The following CTNNA3 variants were observed in gnomAD, a reference collection of about 807,000 sequenced individuals.
The protein encoded by CTNNA3 is catenin alpha 3, also known as catenin alpha-3.
CTNNA3 carries 76 observed loss-of-function variants against 95.7 expected under a neutral mutation model. The observed-to-expected ratio is 0.79, with a 90% CI of 0.66 to 0.96. The LOEUF (loss-of-function observed/expected upper bound fraction) is 0.96. CTNNA3 is among the 40% of genes least tolerant of loss of function. The pLI is 0.00. For synonymous variants in CTNNA3, 431 were observed against 374.4 expected (o/e 1.15, Z -1.74); for missense variants, 1,191 against 1,089.8 (o/e 1.09, Z -1.31).
At chr10:66,802,881 T>C (rs907129067) in intron 7 of CTNNA3, among the ~76,000 whole-genome samples, 1 of 151,926 alleles carries the variant, frequency 6.6e-6, no homozygotes, top group African/African-American at 2.4e-5. Context: ...GACTTACACA[T>C]CTAGATAAAT....
chr10:67,720,889 G>C (rs1407303977), intron 1 of CTNNA3, among the ~76,000 whole-genome samples: 1 of 152,108 alleles, frequency 6.6e-6, no homozygotes, highest in Non-Finnish European at 1.5e-5. Flanking sequence ...GGGAGGCGGA[G>C]GTTGCAGTGA....
At chr10:66,241,227 T>C (rs1485630063) in intron 13 of CTNNA3, among the ~76,000 whole-genome samples, 1 of 152,124 alleles carries the variant, frequency 6.6e-6, no homozygotes, top group African/African-American at 2.4e-5. Flanking sequence ...GTAAGGTCAA[T>C]GAAATGTATC....
At chr10:66,624,678 C>G (rs1213418536) in intron 9 of CTNNA3, among the ~76,000 whole-genome samples, 1 of 152,148 alleles carries the variant, frequency 6.6e-6, no homozygotes, top group Non-Finnish European at 1.5e-5. Flanking sequence ...CTTAGCCAAA[C>G]TAACAGTCTG....
intron 7 of CTNNA3, among the ~76,000 whole-genome samples, chr10:67,083,115 C>T (rs1857132167): frequency 6.6e-6 from 1 of 152,096 alleles, no homozygotes; most frequent in Non-Finnish European, 1.5e-5. Flanking sequence ...ACCTTCATTA[C>T]TCAGCCTTTT....
chr10:67,727,085 ATATAAT>A (rs1427952265), intron 1 of CTNNA3, among the ~76,000 whole-genome samples: 1 of 110,560 alleles, frequency 9.0e-6, no homozygotes, highest in African/African-American at 3.5e-5. Flanking sequence ...TACATATATG[ATATAAT>A]TATATATAAT....
chr10:66,111,475 C>A (rs2082117931), intron 13 of CTNNA3, among the ~76,000 whole-genome samples: 1 of 152,132 alleles, frequency 6.6e-6, no homozygotes, highest in Non-Finnish European at 1.5e-5. Flanking sequence ...CTTAGGGGAC[C>A]ATTATCCTAT....
chr10:66,152,072 T>A (rs1339688147), intron 13 of CTNNA3, among the ~76,000 whole-genome samples: 1 of 151,942 alleles, frequency 6.6e-6, no homozygotes, highest in Non-Finnish European at 1.5e-5. Context: ...TATATAACCA[T>A]GACAAATTAT....
chr10:66,095,901 C>A (rs1299687443), intron 14 of CTNNA3, among the ~76,000 whole-genome samples: 1 of 151,956 alleles, frequency 6.6e-6, no homozygotes, highest in African/African-American at 2.4e-5. Flanking sequence ...GGTTGACAAA[C>A]TATATGCTCT....
intron 5 of CTNNA3, among the ~76,000 whole-genome samples, chr10:67,343,993 G>A (rs1842318465): frequency 1.3e-5 from 2 of 148,686 alleles, no homozygotes; most frequent in South Asian, 4.2e-4. Flanking sequence ...TTATTATGTT[G>A]AAGTATGCTC....
At chr10:66,951,516 G>C (rs1027207024) in intron 7 of CTNNA3, among the ~76,000 whole-genome samples, 4 of 152,152 alleles carry the variant, frequency 2.6e-5, no homozygotes, top group Non-Finnish European at 5.9e-5. Flanking sequence ...GATAGGTACT[G>C]TTTACTCATA....
rs927977047 is a variant in CTNNA3 at position 66,775,446 on chromosome 10, G to A, written c.1126C>T (p.Gln376Ter). The A allele has an allele frequency of 6.2e-7, 1 of 1,605,102 alleles. No individual in the cohort carries two copies. Among genetic ancestry groups the A allele is most frequent in the Middle Eastern group, 1.7e-4 (1 of 6,040 alleles). ...TCCATATCTCTCTCTTCCCTCACCT[G>A]TCTGCGAAGGTCTCTTGTCTTCTTA... ...MCKKTRDLRRQLRKAIIDHVS... is the reference protein window; with the variant it reads ...MCKKTRDLRR The change falls in exon 8 of 18, where the codon CAG becomes TAG. Residue 376 changes from glutamine to a stop codon, truncating the protein, a stop_gained and splice_region_variant. Coordinates refer to ENST00000433211, the MANE Select transcript of CTNNA3 (RefSeq NM_013266.4). LOFTEE classifies it high-confidence loss of function.
chr10:67,176,159 T>G (rs1422946710), intron 7 of CTNNA3, among the ~76,000 whole-genome samples: 3 of 152,170 alleles, frequency 2.0e-5, no homozygotes, highest in Admixed American at 2.0e-4. Flanking sequence ...TGGATCCAAA[T>G]GCAGAGATTA....
upstream of CTNNA3, among the ~76,000 whole-genome samples, chr10:67,699,696 G>T (rs557993670): frequency 6.6e-6 from 1 of 152,190 alleles, no homozygotes; most frequent in African/African-American, 2.4e-5. Flanking sequence ...CATGAGCGAC[G>T]CAGAAGACGG....
intron 11 of CTNNA3, among the ~76,000 whole-genome samples, chr10:66,505,975 T>C (rs1840434983): frequency 6.6e-6 from 1 of 152,156 alleles, no homozygotes; most frequent in Non-Finnish European, 1.5e-5. Context: ...TTCTGCAGAC[T>C]GTATAAGAAG....
At chr10:66,755,133 C>A (rs78818283) in intron 9 of CTNNA3, among the ~76,000 whole-genome samples, 3,655 of 152,040 alleles carry the variant, frequency 0.024, 133 homozygotes, top group African/African-American at 0.083. Flanking sequence ...GGGCATAAGC[C>A]GGAATGAAGT....
intron 13 of CTNNA3, among the ~76,000 whole-genome samples, chr10:66,157,284 C>T (rs543908618): frequency 6.6e-6 from 1 of 151,970 alleles, no homozygotes; most frequent in African/African-American, 2.4e-5. Flanking sequence ...TCAGTGAGAA[C>T]ATTTGATGTT....
chr10:66,117,886 G>A (rs1015405533), intron 13 of CTNNA3, among the ~76,000 whole-genome samples: 4 of 152,100 alleles, frequency 2.6e-5, no homozygotes, highest in Admixed American at 2.6e-4. Context: ...TGGTGTGTGT[G>A]GATATACAGT....
intron 13 of CTNNA3, among the ~76,000 whole-genome samples, chr10:66,134,621 A>G (rs2083266399): frequency 6.6e-6 from 1 of 152,142 alleles, no homozygotes; most frequent in African/African-American, 2.4e-5. Context: ...AAACAGAAAC[A>G]TAGGGTAGAT....
intron 17 of CTNNA3, 74 bp downstream of exon 17, chr10:65,966,538 T>C (rs2077969305): frequency 4.0e-6 from 5 of 1,262,762 alleles, no homozygotes; most frequent in Admixed American, 2.6e-5. Flanking sequence ...GATTTGGTCA[T>C]GTAAACAAGG....
Sources: allele counts gnomAD v4.1 joint callset (sites outside exome capture counted in the v4.1 genomes callset), GRCh38; gene constraint gnomAD v4.1.1; transcripts MANE v1.5; gene names NCBI Gene and HGNC (gene_info 2026-07-23, HGNC 2026-07-21).